The following CTNS variants were observed in gnomAD, a reference collection of about 807,000 sequenced individuals.
CTNS encodes cystinosin, lysosomal cystine transporter, also known as cystinosin.
In CTNS, 27 loss-of-function variants were observed where a neutral mutation model predicts 43.7. The ratio of observed to expected loss-of-function variants is 0.62; its 90% CI spans 0.46 to 0.85. The LOEUF (loss-of-function observed/expected upper bound fraction) is 0.85. CTNS is among the 40% of genes least tolerant of loss of function. The pLI is 0.00. For synonymous variants in CTNS, 187 were observed against 190.6 expected (o/e 0.98, Z 0.16); for missense variants, 457 against 475.4 (o/e 0.96, Z 0.36).
chr17:3,654,098 C>A (rs1333558742), intron 5 of CTNS, among the ~76,000 whole-genome samples: 1 of 152,108 alleles, frequency 6.6e-6, no homozygotes. Flanking sequence ...AGGAGGAGCC[C>A]AGTGATGATG....
At chr17:3,657,346 GC>G (rs1422584733) in intron 9 of CTNS, among the ~76,000 whole-genome samples, 1 of 152,202 alleles carries the variant, frequency 6.6e-6, no homozygotes, top group African/African-American at 2.4e-5. Context: ...GTTGCTGGAA[GC>G]CATGGGTGTC....
rs773256199 is a variant in CTNS, at chr17:3,648,868, G to A, written c.162G>A (p.Leu54=). 2.5e-6 allele frequency: 4 copies of A among 1,613,902 alleles called. No individual in the cohort carries two copies. The highest frequency in any genetic ancestry group is 2.5e-6 in the Non-Finnish European group (3 of 1,179,808). The change falls in exon 5 of 12, where the codon CTG becomes CTA. Residue 54 remains leucine (L), a synonymous_variant. Transcript: ENST00000046640. ...ACAGGCCACCATTAAATGCAACCCTGGTGATCACTTTTGAAATCACATTTC... is the reference window on the plus strand; with the variant it reads ...ACAGGCCACCATTAAATGCAACCCTAGTGATCACTTTTGAAATCACATTTC... The part of the protein sequence containing the change: ...LTLRPPLNAT[L]VITFEITFRS...
intron 7 of CTNS, chr17:3,656,001 C>A (rs2076122475): frequency 3.2e-6 from 1 of 314,342 alleles, no homozygotes; most frequent in African/African-American, 2.2e-5. Flanking sequence ...CCGAGTCCTC[C>A]TTCCCCGTGG....
In CTNS at chr17:3,662,313, A is replaced by G. The variant is rs998387877; in HGVS notation, c.*1944A>G. Among the ~76,000 whole-genome samples the G allele has an allele frequency of 3.4e-4, 2 of 5,902 alleles. No homozygotes were observed. Among genetic ancestry groups the G allele is most frequent in the African/African-American group, 6.7e-4 (2 of 2,986 alleles). 3.9% of individuals were successfully genotyped at this position (5,902 alleles called of 152,430 possible). On this transcript the variant is annotated 3_prime_UTR_variant, in exon 12 of 12. Coordinates refer to ENST00000046640, the MANE Select transcript of CTNS (RefSeq NM_004937.3). ...GCAACAAGAACGAAACTCCATCTCA[A>G]AAAAAAAAAAAAATTATTGACTTTT...
chr17:3,658,100 G>A lies in CTNS; in HGVS notation c.777G>A (p.Val259=), dbSNP rs1406036670. The A allele has an allele frequency of 2.5e-6, 4 of 1,612,178 alleles. No individual in the cohort carries two copies. The highest frequency in any genetic ancestry group is 2.5e-6 in the Non-Finnish European group (3 of 1,179,802). The change falls in exon 10 of 12, where the codon GTG becomes GTA. Residue 259 remains valine, a synonymous_variant. Coordinates refer to ENST00000046640, the MANE Select transcript of CTNS (RefSeq NM_004937.3). The part of the protein sequence containing the change: ...FVTMIVAAVG[V]TTWLQFLFCF... ...CCATGATCGTGGCTGCAGTGGGAGT[G>A]ACCACGTGGCTGCAGTTTCTCTTCT...
intron 5 of CTNS, 26 bp downstream of exon 5, chr17:3,648,957 G>A (rs971676348): frequency 1.9e-6 from 3 of 1,544,470 alleles, no homozygotes; most frequent in African/African-American, 1.4e-5. Context: ...TAACGGATGG[G>A]TAGGGAAATG....
chr17:3,656,777 G>A lies in CTNS; in HGVS notation c.663G>A (p.Val221=). Residue 221 remains valine, a synonymous_variant, in exon 9 of 12, where the codon GTG becomes GTA. Transcript: ENST00000046640. ...TTGTCCTCACGCTGATCATCATCGTGCAGTGCTGCCTGTATGAGGTGAGAC... is the reference window on the plus strand; with the variant it reads ...TTGTCCTCACGCTGATCATCATCGTACAGTGCTGCCTGTATGAGGTGAGAC... ...HAVVLTLIII[V]QCCLYERGGQ... is the part of the protein sequence containing the mutation. 6.2e-7 allele frequency: 1 copy of A among 1,613,266 alleles called. No individual in the cohort carries two copies. Among genetic ancestry groups the A allele is most frequent in the African/African-American group, 1.3e-5 (1 of 75,040 alleles).
intron 5 of CTNS, 81 bp downstream of exon 5, chr17:3,649,012 T>C (rs951765360): frequency 1.6e-6 from 2 of 1,212,418 alleles, no homozygotes; most frequent in Non-Finnish European, 2.4e-6. Context: ...TGGAAACAGG[T>C]CTCCTAGGCG....
intron 5 of CTNS, among the ~76,000 whole-genome samples, chr17:3,651,380 C>T (rs1356033870): frequency 6.6e-6 from 1 of 152,154 alleles, no homozygotes; most frequent in East Asian, 1.9e-4. Flanking sequence ...CAGGAGCCAC[C>T]ACGCCTGGCC....
At chr17:3,658,597 C>T (rs1207939470) in intron 10 of CTNS, among the ~76,000 whole-genome samples, 3 of 152,320 alleles carry the variant, frequency 2.0e-5, no homozygotes, top group Admixed American at 6.5e-5. Context: ...TCTTCAGATC[C>T]GGGGACTCAG....
At chr17:3,649,612 T>C (rs2150908286) in intron 5 of CTNS, among the ~76,000 whole-genome samples, 1 of 152,282 alleles carries the variant, frequency 6.6e-6, no homozygotes, top group East Asian at 1.9e-4. Flanking sequence ...CCCAAATGGT[T>C]TGAGTCCACA....
chr17:3,662,402 T>C lies in CTNS; in HGVS notation c.*2033T>C, dbSNP rs1347104138. Among the ~76,000 whole-genome samples the C allele has an allele frequency of 6.6e-6, 1 of 152,088 alleles. No individual in the cohort carries two copies. Among genetic ancestry groups the C allele is most frequent in the East Asian group, 1.9e-4 (1 of 5,182 alleles). On this transcript the variant is annotated 3_prime_UTR_variant, in exon 12 of 12. Transcript: ENST00000046640. ...AGTGCTAACACCTTCCCAGAGGTGG[T>C]ACGCAGGTAGTCAGGTGCTCTCTGA... is the stretch of plus-strand genomic sequence containing the variant.
intron 5 of CTNS, among the ~76,000 whole-genome samples, chr17:3,653,172 G>T (rs1347133487): frequency 6.6e-6 from 1 of 152,242 alleles, no homozygotes; most frequent in East Asian, 1.9e-4. Flanking sequence ...ACCACTTTGG[G>T]AGGCCGAAGC....
chr17:3,647,418 C>T lies in CTNS; in HGVS notation c.62-26C>T. The T allele has an allele frequency of 1.9e-6, 3 of 1,605,296 alleles. No individual in the cohort carries two copies. The South Asian group carries it at 3.3e-5, about 18-fold the overall frequency. Reference sequence around the variant, plus strand: ...AGGCCTGAACTCTGACCCAGTGCCTCATGTCATTGATTTGGGTCCTTCCAG... The same window carrying T: ...AGGCCTGAACTCTGACCCAGTGCCTTATGTCATTGATTTGGGTCCTTCCAG... On this transcript the variant is annotated intron_variant, in intron 3 of 11. Transcript: ENST00000046640.
At chr17:3,642,064 CGTGTGT>C (rs139025469) in intron 3 of CTNS, among the ~76,000 whole-genome samples, 2 of 139,782 alleles carry the variant, frequency 1.4e-5, no homozygotes, top group Admixed American at 7.1e-5. Context: ...TGTACCCGGG[CGTGTGT>C]GTGTGTGTGT....
At chr17:3,645,752 T>G (rs1224720078) in intron 3 of CTNS, among the ~76,000 whole-genome samples, 1 of 150,326 alleles carries the variant, frequency 6.7e-6, no homozygotes, top group Non-Finnish European at 1.5e-5. Flanking sequence ...TCCAGCTACT[T>G]GGAAGGCTGA....
intron 5 of CTNS, chr17:3,650,473 C>T: frequency 1.1e-6 from 1 of 918,518 alleles, no homozygotes; most frequent in South Asian, 2.1e-5. Context: ...TGGAGCAAGA[C>T]TCTGTCTCTA....
At chr17:3,640,090 T>A in intron 2 of CTNS, 98 bp from the exon 3 acceptor site, 1 of 982,344 alleles carries the variant, frequency 1.0e-6, no homozygotes, top group South Asian at 1.3e-5. Context: ...GTGGCAGTCC[T>A]TTATGAGCCA....
chr17:3,662,027 C>T lies in CTNS; in HGVS notation c.*1658C>T, dbSNP rs2076284985. 6.6e-6 allele frequency among the ~76,000 whole-genome samples: 1 copy of T among 152,194 alleles called. No homozygotes were observed. Among genetic ancestry groups the T allele is most frequent in the Admixed American group, 6.5e-5 (1 of 15,284 alleles). On this transcript the variant is annotated 3_prime_UTR_variant, in exon 12 of 12. Transcript: ENST00000046640. ...CAGAGATTTCAAATGATTGACTTTT[C>T]CGGCTGAGTGCGGTGGCTCACGCCT...
Sources: gnomAD v4.1 joint callset for allele counts (sites outside exome capture counted in the v4.1 genomes callset) on GRCh38, gnomAD v4.1.1 for gene constraint, MANE v1.5 for transcripts, NCBI Gene and HGNC (gene_info 2026-07-23, HGNC 2026-07-21) for gene names.